The following PCDHGA8 variants were observed in gnomAD, a reference collection of about 807,000 sequenced individuals.
The protein encoded by PCDHGA8 is protocadherin gamma-A8.
In PCDHGA8, 45 loss-of-function variants were observed where a neutral mutation model predicts 59.2. The ratio of observed to expected loss-of-function variants is 0.76; its 90% CI spans 0.60 to 0.98. The LOEUF (loss-of-function observed/expected upper bound fraction) is 0.98. Ranked by LOEUF, PCDHGA8 falls within the 50% of genes least tolerant of loss-of-function variation. PCDHGA8 has a pLI of 0.00. For missense variants in PCDHGA8, 1,257 were observed against 1,196.2 expected (o/e 1.05, Z -0.75); for synonymous variants, 531 against 519.0 (o/e 1.02, Z -0.32).
chr5:141,511,328 A>G lies in PCDHGA8; in HGVS notation c.*155A>G. On this transcript the variant is annotated 3_prime_UTR_variant, in exon 4 of 4. Transcript: ENST00000398604. Reference sequence around the variant, plus strand: ...CCTTGGGAAACAGAAACAAGTGCCCAGTCAGCACCTACCCCTTCCCCCCCA... The same window carrying G: ...CCTTGGGAAACAGAAACAAGTGCCCGGTCAGCACCTACCCCTTCCCCCCCA... The G allele has an allele frequency of 6.9e-7, 1 of 1,456,862 alleles. No individual in the cohort carries two copies. Among genetic ancestry groups the G allele is most frequent in the Non-Finnish European group, 9.1e-7 (1 of 1,093,622 alleles). 90.2% of individuals were successfully genotyped at this position (1,456,862 alleles called of 1,614,324 possible).
In PCDHGA8 at chr5:141,393,984, C is replaced by G. The variant is rs1176875822; in HGVS notation, c.1171C>G (p.Pro391Ala). Residue 391 changes from proline to alanine, a missense_variant, in exon 1 of 4, where the codon CCT (proline) becomes GCT (alanine). By Grantham distance (27) the Pro-to-Ala change is conservative (BLOSUM62 -1). Coordinates refer to ENST00000398604, the MANE Select transcript of PCDHGA8 (RefSeq NM_032088.2). Reference sequence around the variant, plus strand: ...TGTCTGTTACACACGTGATAATTTACCTTTTAAATTAGAAAAGTCAATAGG... The same window carrying G: ...TGTCTGTTACACACGTGATAATTTAGCTTTTAAATTAGAAAAGTCAATAGG... ...QVVCYTRDNL[P>A]FKLEKSIGNY... The G allele has an allele frequency of 6.2e-7, 1 of 1,613,570 alleles. No homozygotes were observed. Among genetic ancestry groups the G allele is most frequent in the South Asian group, 1.1e-5 (1 of 91,034 alleles).
In PCDHGA8 at chr5:141,511,618, T is replaced by C. The variant is rs1227028784; in HGVS notation, c.*445T>C. 4.3e-6 allele frequency: 1 copy of C among 232,232 alleles called. No homozygotes were observed. Among genetic ancestry groups the C allele is most frequent in the East Asian group, 9.9e-5 (1 of 10,122 alleles). 14.4% of individuals were successfully genotyped at this position (232,232 alleles called of 1,614,324 possible). A position where few individuals can be genotyped will look rare whatever the true frequency, so the allele number is the denominator to read the frequency against. ...AAGTAACCTACAAGCCTCCTAGTTCTGAAAAGTTGGAAGGGCATCATGACC... is the reference window on the plus strand; with the variant it reads ...AAGTAACCTACAAGCCTCCTAGTTCCGAAAAGTTGGAAGGGCATCATGACC... On this transcript the variant is annotated 3_prime_UTR_variant, in exon 4 of 4. Transcript: ENST00000398604.
chr5:141,438,764 C>T (rs963627140), intron 1 of PCDHGA8, among the ~76,000 whole-genome samples: 38 of 148,736 alleles, frequency 2.6e-4, no homozygotes, highest in African/African-American at 9.4e-4. Context: ...TGGGTTCAAG[C>T]GATTCTCCTG....
At chr5:141,500,446 T>C (rs2099800320) in intron 2 of PCDHGA8, among the ~76,000 whole-genome samples, 1 of 152,002 alleles carries the variant, frequency 6.6e-6, no homozygotes, top group South Asian at 2.1e-4. Context: ...CCTGACCTCG[T>C]GATCCGCCCG....
At chr5:141,473,375 T>C (rs1433212994) in intron 1 of PCDHGA8, among the ~76,000 whole-genome samples, 1 of 152,192 alleles carries the variant, frequency 6.6e-6, no homozygotes, top group African/African-American at 2.4e-5. Flanking sequence ...AATAGCATGG[T>C]CCCTGCCCTC....
At chr5:141,413,606 T>C (rs756987695) in intron 1 of PCDHGA8, 1 of 1,613,848 alleles carries the variant, frequency 6.2e-7, no homozygotes, top group Admixed American at 1.7e-5. Context: ...AATCTAGACG[T>C]AAAAATTAAT....
Position 141,394,449 on chromosome 5 carries a change from A to T in PCDHGA8, c.1636A>T (p.Met546Leu). The T allele has an allele frequency of 6.2e-7, 1 of 1,614,230 alleles. No homozygotes were observed. Among genetic ancestry groups the T allele is most frequent in the Non-Finnish European group, 8.5e-7 (1 of 1,180,050 alleles). Residue 546 changes from methionine (M) to leucine (L), a missense_variant, in exon 1 of 4, where the codon ATG (methionine) becomes TTG (leucine). Physicochemically the swap from Met to Leu is conservative, Grantham distance 15. Transcript: ENST00000398604. ...CGGGGACCCGCCCCTCAGCAGCAAC[A>T]TGTCACTGAGCCTGTTCGTGCTGGA... ...DSGDPPLSSN[M>L]SLSLFVLDQN... is the part of the protein sequence containing the mutation.
Position 141,485,581 on chromosome 5 carries a change from G to C in PCDHGA8, c.2425-9226G>C. The C allele has an allele frequency of 6.2e-7, 1 of 1,612,458 alleles. No individual in the cohort carries two copies. The highest frequency in any genetic ancestry group is 8.5e-7 in the Non-Finnish European group (1 of 1,178,652). ...ATCACGCCCCCCGTTTTCCGCGGCA[G>C]CAGCTGGACTTGGAAATTGGGGAGG... On this transcript the variant is annotated intron_variant, in intron 1 of 3. Coordinates refer to ENST00000398604, the MANE Select transcript of PCDHGA8 (RefSeq NM_032088.2). This position sits in a 1 kb window ranked among gnomAD's most constrained non-coding sequence, Gnocchi z 5.7.
intron 1 of PCDHGA8, among the ~76,000 whole-genome samples, chr5:141,454,371 G>A (rs901551817): frequency 6.6e-6 from 1 of 152,096 alleles, no homozygotes; most frequent in Non-Finnish European, 1.5e-5. Context: ...AAGGAGTATG[G>A]CAACTTGTCA....
At chr5:141,422,618 A>G in intron 1 of PCDHGA8, 3 of 1,613,682 alleles carry the variant, frequency 1.9e-6, no homozygotes, top group Non-Finnish European at 2.5e-6. Flanking sequence ...TACATTCCCG[A>G]AAACAACCCC....
rs1439461935 is a variant in PCDHGA8 at position 141,511,976 on chromosome 5, G to A, written c.*803G>A. ...ATAAGGAAGGGAAGTGTGTGGATGT[G>A]GATGGTGGGGGCATGGACAAAGCTT... is the stretch of plus-strand genomic sequence containing the variant. On this transcript the variant is annotated 3_prime_UTR_variant, in exon 4 of 4. Coordinates refer to ENST00000398604, the MANE Select transcript of PCDHGA8 (RefSeq NM_032088.2). 6.5e-6 allele frequency: 1 copy of A among 153,384 alleles called. No homozygotes were observed. Among genetic ancestry groups the A allele is most frequent in the Non-Finnish European group, 1.5e-5 (1 of 68,664 alleles). 9.5% of individuals were successfully genotyped at this position (153,384 alleles called of 1,614,324 possible).
chr5:141,413,217 C>A (rs762828191), intron 1 of PCDHGA8: 8 of 1,613,184 alleles, frequency 5.0e-6, no homozygotes, highest in African/African-American at 1.3e-5. Context: ...CAAAGGATTG[C>A]AGCGGGCTGG....
intron 1 of PCDHGA8, chr5:141,397,890 A>G: frequency 3.2e-6 from 2 of 628,782 alleles, no homozygotes; most frequent in Non-Finnish European, 5.3e-6. Context: ...GCTGTTGGCC[A>G]AAGTGCAGAG....
chr5:141,418,773 A>G, intron 1 of PCDHGA8: 2 of 1,613,904 alleles, frequency 1.2e-6, no homozygotes, highest in Non-Finnish European at 1.7e-6. Flanking sequence ...CTAACTCAGC[A>G]GCCTTTGGAT....
intron 1 of PCDHGA8, among the ~76,000 whole-genome samples, chr5:141,445,357 G>C (rs115045385): frequency 0.013 from 1,909 of 152,252 alleles, 31 homozygotes; most frequent in African/African-American, 0.044. Flanking sequence ...GTCTGCCCAA[G>C]TCTGGTCCTG....
At chr5:141,409,024 T>C (rs2095212064) in intron 1 of PCDHGA8, 2 of 1,613,988 alleles carry the variant, frequency 1.2e-6, no homozygotes, top group South Asian at 1.1e-5. Context: ...AGGGGGTCAA[T>C]GCTGAGATAA....
chr5:141,419,754 T>C, intron 1 of PCDHGA8: 1 of 1,613,924 alleles, frequency 6.2e-7, no homozygotes. Flanking sequence ...GTGCGTGCTT[T>C]GGGTGACAAG....
At chr5:141,437,878 C>A (rs1047761465) in intron 1 of PCDHGA8, among the ~76,000 whole-genome samples, 13 of 151,996 alleles carry the variant, frequency 8.6e-5, no homozygotes, top group Non-Finnish European at 1.5e-4. Flanking sequence ...GCTGGGACTA[C>A]AGGCACACGC....
At chr5:141,422,149 C>G in intron 1 of PCDHGA8, 1 of 1,577,238 alleles carries the variant, frequency 6.3e-7, no homozygotes. Context: ...ACGGGGGTCT[C>G]TGGATTTTGA....
Sources: gnomAD v4.1 joint callset for allele counts (sites outside exome capture counted in the v4.1 genomes callset) on GRCh38, gnomAD v4.1.1 for gene constraint, Gnocchi (gnomAD v3.1) non-coding constraint, MANE v1.5 for transcripts, NCBI Gene and HGNC (gene_info 2026-07-23, HGNC 2026-07-21) for gene names.